ZNF16: variants seen among roughly 807,000 people sequenced by gnomAD.
ZNF16 encodes the protein zinc finger protein 16.
In ZNF16, 7 loss-of-function variants were observed where a neutral mutation model predicts 9.0. The observed-to-expected ratio is 0.78, with a 90% CI of 0.44 to 1.47. The LOEUF (loss-of-function observed/expected upper bound fraction) is 1.47, where lower values mean the gene tolerates loss of function less well. Among genes scored for constraint, ZNF16 ranks in the 40% most tolerant of loss-of-function variants. ZNF16 has a pLI of 0.01. For synonymous variants in ZNF16, 312 were observed against 301.5 expected (o/e 1.03, Z -0.36); for missense variants, 830 against 854.2 (o/e 0.97, Z 0.35).
rs1833615932 is a variant in ZNF16, at chr8:144,933,907, T to C, written c.197-1317A>G. Among the ~76,000 whole-genome samples the C allele has an allele frequency of 6.6e-6, 1 of 152,160 alleles. No homozygotes were observed. Among genetic ancestry groups the C allele is most frequent in the African/African-American group, 2.4e-5 (1 of 41,448 alleles). ...CCCTGGCTGTCACCCACAGCCTGGA[T>C]CACTCCCTGAAACAGGACTGCATCC... On this transcript the variant is annotated intron_variant, in intron 2 of 2. Transcript: ENST00000394909. The surrounding 1 kb of genome is among the most constrained non-coding windows in gnomAD (Gnocchi z 5.6).
In ZNF16 at chr8:144,931,167, A is replaced by C; in HGVS notation, c.1620T>G (p.Thr540=). The C allele has an allele frequency of 6.2e-7, 1 of 1,614,028 alleles. No individual in the cohort carries two copies. Among genetic ancestry groups the C allele is most frequent in the Non-Finnish European group, 8.5e-7 (1 of 1,179,980 alleles). ...CAGTACATTCATAGGGCTTCTCTCC[A>C]GTGTGGACTCGCTGGTGAAGGATGA... The part of the protein sequence containing the change: ...SNLILHQRVH[T]GEKPYECTEC... The change falls in exon 3 of 3, where the codon ACT becomes ACG. Residue 540 remains threonine, a synonymous_variant. Coordinates refer to ENST00000394909, the MANE Select transcript of ZNF16 (RefSeq NM_006958.3).
Position 144,932,566 on chromosome 8 carries a change from T to C in ZNF16, c.221A>G (p.Lys74Arg). ...QPDCDTRTEDKEFLHKEDIHE... is the reference protein window; with the variant it reads ...QPDCDTRTEDREFLHKEDIHE... ...AATGTCTTCCTTGTGAAGAAACTCC[T>C]TGTCTTCAGTCCTGGTGTCACAATC... The change falls in exon 3 of 3, where the codon AAG (lysine) becomes AGG (arginine). Residue 74 changes from lysine to arginine, a missense_variant. Transcript: ENST00000394909. This position sits in a 1 kb window ranked among gnomAD's most constrained non-coding sequence, Gnocchi z 5.0. 6.2e-7 allele frequency: 1 copy of C among 1,613,832 alleles called. No homozygotes were observed. Among genetic ancestry groups the C allele is most frequent in the Non-Finnish European group, 8.5e-7 (1 of 1,179,852 alleles).
intron 2 of ZNF16, among the ~76,000 whole-genome samples, chr8:144,934,685 C>T (rs949739971): frequency 8.5e-5 from 13 of 152,190 alleles, no homozygotes; most frequent in African/African-American, 1.2e-4. Flanking sequence ...CTTGGGAGAC[C>T]GTTGCCCTCT....
At chr8:144,936,282 G>C (rs1312093970) in intron 2 of ZNF16, among the ~76,000 whole-genome samples, 1 of 152,192 alleles carries the variant, frequency 6.6e-6, no homozygotes, top group East Asian at 1.9e-4. Flanking sequence ...ATATTCATTT[G>C]TATGTAGACA....
chr8:144,932,518 G>C lies in ZNF16; in HGVS notation c.269C>G (p.Ala90Gly). The C allele has an allele frequency of 6.2e-7, 1 of 1,614,192 alleles. No homozygotes were observed. The highest frequency in any genetic ancestry group is 1.3e-5 in the African/African-American group (1 of 75,050). ...EDIHEDLESQAEISENYAGDV... is the reference protein window; with the variant it reads ...EDIHEDLESQGEISENYAGDV... Reference sequence around the variant, plus strand: ...ACCAGCATAGTTTTCTGATATTTCTGCCTGTGATTCCAAATCTTCATGAAT... The same window carrying C: ...ACCAGCATAGTTTTCTGATATTTCTCCCTGTGATTCCAAATCTTCATGAAT... The change falls in exon 3 of 3, where the codon GCA (alanine) becomes GGA (glycine). Residue 90 changes from alanine (A) to glycine (G), a missense_variant. By Grantham distance (60) the Ala-to-Gly change is moderately conservative. Coordinates refer to ENST00000394909, the MANE Select transcript of ZNF16 (RefSeq NM_006958.3). This position sits in a 1 kb window ranked among gnomAD's most constrained non-coding sequence, Gnocchi z 5.0.
chr8:144,944,636 T>A (rs1041468725), intron 2 of ZNF16: 3 of 152,268 alleles, frequency 2.0e-5, no homozygotes, highest in African/African-American at 7.2e-5. Context: ...TTTACTTTTT[T>A]CCTTTGAATG....
At chr8:144,941,667 ATTT>A (rs113061574) in intron 2 of ZNF16, among the ~76,000 whole-genome samples, 1 of 142,252 alleles carries the variant, frequency 7.0e-6, no homozygotes. Flanking sequence ...TCTTGTGTCC[ATTT>A]TTTTTTTTTT....
intron 2 of ZNF16, among the ~76,000 whole-genome samples, chr8:144,943,884 C>T (rs1041456369): frequency 6.6e-6 from 1 of 152,148 alleles, no homozygotes; most frequent in Non-Finnish European, 1.5e-5. Flanking sequence ...ATCCTATCTT[C>T]AAGTTGCCGA....
At chr8:144,946,485 A>G (rs1212758433) in intron 1 of ZNF16, among the ~76,000 whole-genome samples, 1 of 151,700 alleles carries the variant, frequency 6.6e-6, no homozygotes, top group Non-Finnish European at 1.5e-5. Flanking sequence ...TGGTGCCCAG[A>G]CCTGCCATGA....
intron 1 of ZNF16, among the ~76,000 whole-genome samples, chr8:144,949,938 A>G (rs1290505254): frequency 6.6e-6 from 1 of 152,190 alleles, no homozygotes; most frequent in African/African-American, 2.4e-5. Context: ...AGATAGAGGA[A>G]GGCCACTCTC....
In ZNF16 at chr8:144,932,108, G is replaced by C. The variant is rs534488693; in HGVS notation, c.679C>G (p.Arg227Gly). 1.8e-5 allele frequency: 29 copies of C among 1,613,972 alleles called. No individual in the cohort carries two copies. The highest frequency in any genetic ancestry group is 5.0e-5 in the Admixed American group (3 of 59,996). The part of the protein sequence containing the change: ...TFQGNPDLIQ[R>G]QIVHTGEASF... ...GCCTCCCCAGTGTGGACTATTTGAC[G>C]CTGAATAAGGTCAGGATTTCCTTGG... Residue 227 changes from arginine (R) to glycine (G), a missense_variant, in exon 3 of 3, where the codon CGT becomes GGT. Transcript: ENST00000394909. This position sits in a 1 kb window ranked among gnomAD's most constrained non-coding sequence, Gnocchi z 5.0.
At chr8:144,942,498 G>C (rs1454007441) in intron 2 of ZNF16, among the ~76,000 whole-genome samples, 1 of 151,608 alleles carries the variant, frequency 6.6e-6, no homozygotes, top group Admixed American at 6.6e-5. Flanking sequence ...ATGTTGGCCA[G>C]GCTGGTCTCG....
At chr8:144,946,531 GT>G (rs1223769500) in intron 1 of ZNF16, among the ~76,000 whole-genome samples, 1 of 133,024 alleles carries the variant, frequency 7.5e-6, no homozygotes, top group Non-Finnish European at 1.6e-5. Context: ...GTGTCCTGCT[GT>G]GGGGCCTGTG....
intron 2 of ZNF16, among the ~76,000 whole-genome samples, chr8:144,935,976 C>T (rs183490671): frequency 4.0e-4 from 61 of 152,268 alleles, no homozygotes; most frequent in Admixed American, 3.0e-3. Context: ...AAACGAACAG[C>T]GGCATTTAGT....
At chr8:144,949,580 C>A (rs1473638401) in intron 1 of ZNF16, among the ~76,000 whole-genome samples, 1 of 152,196 alleles carries the variant, frequency 6.6e-6, no homozygotes, top group Non-Finnish European at 1.5e-5. Context: ...TTTGCCCCAG[C>A]CACTTTGCCA....
intron 2 of ZNF16, among the ~76,000 whole-genome samples, chr8:144,934,096 C>T (rs1320397288): frequency 6.6e-6 from 1 of 152,234 alleles, no homozygotes; most frequent in Non-Finnish European, 1.5e-5. Context: ...TCCATTTCCA[C>T]CTCCAGTCTG....
At chr8:144,947,245 G>GGGCTTGTGTCCTGCTGTT in intron 1 of ZNF16, among the ~76,000 whole-genome samples, 1 of 88,546 alleles carries the variant, frequency 1.1e-5, no homozygotes, top group African/African-American at 5.4e-5. Context: ...GTCCTGCTGT[G>GGGCTTGTGTCCTGCTGTT]GGGCCTGTGT....
In ZNF16 at chr8:144,930,633, C is replaced by T; in HGVS notation, c.*105G>A. The T allele has an allele frequency of 1.5e-6, 2 of 1,322,450 alleles. No individual in the cohort carries two copies. Among genetic ancestry groups the T allele is most frequent in the Non-Finnish European group, 2.0e-6 (2 of 976,206 alleles). 81.9% of individuals were successfully genotyped at this position (1,322,450 alleles called of 1,614,324 possible). ...GTGGCCACTGGATGTAGGCAGTGAGCTGAGTCCAGGCTTTCGGTCTGGGAA... is the reference window on the plus strand; with the variant it reads ...GTGGCCACTGGATGTAGGCAGTGAGTTGAGTCCAGGCTTTCGGTCTGGGAA... On this transcript the variant is annotated 3_prime_UTR_variant, in exon 3 of 3. Transcript: ENST00000394909.
At chr8:144,938,757 G>T (rs1482658279) in intron 2 of ZNF16, among the ~76,000 whole-genome samples, 2 of 152,072 alleles carry the variant, frequency 1.3e-5, no homozygotes, top group Non-Finnish European at 2.9e-5. Context: ...TTGACTAACT[G>T]CTCTGGTTAG....
Sources: gnomAD v4.1 joint callset for allele counts (sites outside exome capture counted in the v4.1 genomes callset) on GRCh38, gnomAD v4.1.1 for gene constraint, Gnocchi (gnomAD v3.1) non-coding constraint, MANE v1.5 for transcripts, NCBI Gene and HGNC (gene_info 2026-07-23, HGNC 2026-07-21) for gene names.